RAPGEF1: variants seen among roughly 807,000 people sequenced by gnomAD.
RAPGEF1 encodes Rap guanine nucleotide exchange factor 1.
Under a neutral mutation model 143.3 loss-of-function variants are expected in RAPGEF1, and 33 were observed. That is an observed-to-expected ratio of 0.23 (90% CI 0.17 to 0.31). RAPGEF1 has a LOEUF of 0.31. RAPGEF1 is among the 10% of genes least tolerant of loss of function. The pLI is 1.00. For missense variants in RAPGEF1, 1,199 were observed against 1,645.4 expected (o/e 0.73, Z 4.69); for synonymous variants, 629 against 676.5 (o/e 0.93, Z 1.09).
At chr9:131,611,479 C>G (rs149153155) in intron 12 of RAPGEF1, among the ~76,000 whole-genome samples, 72 of 152,312 alleles carry the variant, frequency 4.7e-4, no homozygotes, top group Non-Finnish European at 7.5e-4. Flanking sequence ...ATCACAATAT[C>G]TCCACTGAAA....
chr9:131,588,100 G>A, intron 20 of RAPGEF1, 74 bp from the exon 21 acceptor site: 1 of 1,286,600 alleles, frequency 7.8e-7, no homozygotes, highest in Non-Finnish European at 1.1e-6. Context: ...GGCCCGGGCT[G>A]CGGGCGTCAG....
intron 1 of RAPGEF1, among the ~76,000 whole-genome samples, chr9:131,669,676 G>C (rs974216394): frequency 2.0e-5 from 3 of 152,124 alleles, no homozygotes; most frequent in African/African-American, 4.8e-5. Context: ...CAGAGGGCTG[G>C]GATAGAAGAG....
At chr9:131,647,968 T>C (rs1970096257) in intron 3 of RAPGEF1, among the ~76,000 whole-genome samples, 1 of 151,878 alleles carries the variant, frequency 6.6e-6, no homozygotes, top group African/African-American at 2.4e-5. Context: ...TTTGCCTTCC[T>C]ATGGCAACAA....
chr9:131,604,164 A>G, intron 13 of RAPGEF1, 111 bp from the exon 14 acceptor site: 1 of 574,082 alleles, frequency 1.7e-6, no homozygotes, highest in Non-Finnish European at 2.8e-6. Flanking sequence ...AGGTGCAGAG[A>G]GCAAAGCTGC....
chr9:131,702,963 G>A (rs1834772903), intron 1 of RAPGEF1, among the ~76,000 whole-genome samples: 3 of 152,092 alleles, frequency 2.0e-5, no homozygotes, highest in African/African-American at 7.2e-5. Context: ...TCGTGCAGCC[G>A]CTCTGAAAAA....
intron 1 of RAPGEF1, chr9:131,737,372 C>T (rs776305469): frequency 1.2e-6 from 2 of 1,613,664 alleles, no homozygotes; most frequent in African/African-American, 2.7e-5. Context: ...CAGTGTCTTC[C>T]TCATTCCCGC....
chr9:131,623,931 G>A (rs761356928), intron 10 of RAPGEF1, among the ~76,000 whole-genome samples: 1 of 152,162 alleles, frequency 6.6e-6, no homozygotes, highest in Non-Finnish European at 1.5e-5. Context: ...TTTCCACAAG[G>A]TCACCTGAGG....
intron 1 of RAPGEF1, among the ~76,000 whole-genome samples, chr9:131,708,285 G>C (rs1464970442): frequency 6.6e-6 from 1 of 152,200 alleles, no homozygotes; most frequent in Non-Finnish European, 1.5e-5. Context: ...AACTTCTTCT[G>C]GCAAGAGGAG....
chr9:131,596,784 G>C (rs1340385984), intron 16 of RAPGEF1, among the ~76,000 whole-genome samples: 1 of 152,162 alleles, frequency 6.6e-6, no homozygotes, highest in African/African-American at 2.4e-5. Context: ...GATGCCTGTG[G>C]AGGCAGCAGG....
chr9:131,633,291 C>T (rs186847810), intron 5 of RAPGEF1, among the ~76,000 whole-genome samples: 40 of 152,160 alleles, frequency 2.6e-4, no homozygotes, highest in Non-Finnish European at 4.6e-4. Context: ...TGCACCCTAC[C>T]GCCTGGAGGA....
At chr9:131,709,677 T>G (rs1022354079) in intron 1 of RAPGEF1, 8 of 1,613,860 alleles carry the variant, frequency 5.0e-6, no homozygotes, top group African/African-American at 4.0e-5. Flanking sequence ...TCAATAGCAT[T>G]GCCCATTTTA....
In RAPGEF1 at chr9:131,604,983, C is replaced by T; in HGVS notation, c.2267G>A (p.Ser756Asn). ...AAGGCAGACAGTATTCCCATGAAAG[C>T]TGCTCTCCTGAGAAGCCGAGAGAGG... ...DGPLSASQES[S>N]FHGNTVCLPS... Residue 756 changes from serine to asparagine, a missense_variant, in exon 13 of 27, where the codon AGC (serine) becomes AAC (asparagine). Physicochemically the swap from Ser to Asn is conservative, Grantham distance 46. This residue lies in a region of RAPGEF1 where 293 missense variants were observed against 356.2 expected (regional missense o/e 0.82). Transcript: ENST00000683357. The T allele has an allele frequency of 7.5e-7, 1 of 1,335,858 alleles. No individual in the cohort carries two copies. Among genetic ancestry groups the T allele is most frequent in the Non-Finnish European group, 9.9e-7 (1 of 1,006,762 alleles). 82.8% of individuals were successfully genotyped at this position (1,335,858 alleles called of 1,614,324 possible).
intron 1 of RAPGEF1, among the ~76,000 whole-genome samples, chr9:131,728,657 A>G (rs983563193): frequency 6.6e-6 from 1 of 152,198 alleles, no homozygotes; most frequent in African/African-American, 2.4e-5. Context: ...TTAGAGAGAG[A>G]AAGAGAAAGA....
intron 12 of RAPGEF1, among the ~76,000 whole-genome samples, chr9:131,609,097 G>C (rs1957589371): frequency 6.6e-6 from 1 of 152,176 alleles, no homozygotes; most frequent in South Asian, 2.1e-4. Context: ...TTCTGCACAA[G>C]ATCTAGGGGT....
At chr9:131,582,059 GT>G (rs1304412793) in intron 25 of RAPGEF1, among the ~76,000 whole-genome samples, 1 of 152,186 alleles carries the variant, frequency 6.6e-6, no homozygotes, top group Admixed American at 6.5e-5. Context: ...CACTTGTTTG[GT>G]TTTGGTTATT....
At chr9:131,677,744 C>T (rs1832540510) in intron 1 of RAPGEF1, among the ~76,000 whole-genome samples, 1 of 152,342 alleles carries the variant, frequency 6.6e-6, no homozygotes, top group Middle Eastern at 3.4e-3. Flanking sequence ...AGCTTTTCTT[C>T]CTCTCTCCTC....
At chr9:131,735,120 G>A (rs1174061359) in intron 1 of RAPGEF1, among the ~76,000 whole-genome samples, 3 of 152,210 alleles carry the variant, frequency 2.0e-5, no homozygotes, top group Non-Finnish European at 4.4e-5. Flanking sequence ...AGGAGGCCGG[G>A]ATCTTTGCTG....
intron 12 of RAPGEF1, among the ~76,000 whole-genome samples, chr9:131,613,374 G>A (rs1290329439): frequency 6.6e-6 from 1 of 152,132 alleles, no homozygotes; most frequent in Non-Finnish European, 1.5e-5. Flanking sequence ...CAGTGTGAGG[G>A]CCTCTGAAGA....
In RAPGEF1 at chr9:131,662,442, G is replaced by T. The variant is rs115449954; in HGVS notation, c.62-11493C>A. Among the ~76,000 whole-genome samples, 1,168 of 152,218 alleles carry T rather than the reference G, an allele frequency of 7.7e-3. 16 individuals carry two copies. The highest frequency in any genetic ancestry group is 0.027 in the African/African-American group (1,114 of 41,506). On this transcript the variant is annotated intron_variant, in intron 1 of 26. Transcript: ENST00000683357. ...GTTGCCCAGGCTGGAGTATAGTGGT[G>T]TGATCCCAGTTCACTGTAGCTATGA...
Sources: gnomAD v4.1 joint callset for allele counts (sites outside exome capture counted in the v4.1 genomes callset) on GRCh38, gnomAD v4.1.1 for gene constraint, gnomAD v4.1.1 regional missense constraint, MANE v1.5 for transcripts, NCBI Gene and HGNC (gene_info 2026-07-23, HGNC 2026-07-21) for gene names.